DMD: variants seen among roughly 807,000 people sequenced by gnomAD.
The protein encoded by DMD is mutant dystrophin.
In DMD, 63 loss-of-function variants were observed where a neutral mutation model predicts 330.1. That is an observed-to-expected ratio of 0.19 (90% CI 0.16 to 0.24). The LOEUF is 0.24. DMD is among the 10% of genes least tolerant of loss of function. The probability of loss-of-function intolerance (pLI) is 1.00; values close to 1 mark genes in which losing one functional copy is unlikely to be tolerated. For missense variants in DMD, 3,344 were observed against 2,684.1 expected (o/e 1.25, Z -5.43); for synonymous variants, 1,223 against 959.8 (o/e 1.27, Z -5.07).
At chrX:31,138,239 C>T (rs2035511336) in intron 76 of DMD, among the ~76,000 whole-genome samples, 1 of 111,712 alleles carries the variant, frequency 9.0e-6, no homozygotes, top group Admixed American at 9.5e-5. Flanking sequence ...CAAACCACAA[C>T]TTGGTGTCAA....
intron 55 of DMD, among the ~76,000 whole-genome samples, chrX:31,528,336 T>C (rs1209151190): frequency 8.9e-6 from 1 of 112,119 alleles, no homozygotes; most frequent in Non-Finnish European, 1.9e-5. Context: ...CTAGGGAAAA[T>C]ATTCGATTCA....
At chrX:31,760,499 G>A (rs758471538) in intron 51 of DMD, among the ~76,000 whole-genome samples, 29 of 111,631 alleles carry the variant, frequency 2.6e-4, no homozygotes, top group African/African-American at 9.4e-4. Context: ...ACTTGCCATC[G>A]TGTTCCAATT....
At chrX:32,314,970 G>A (rs774597068) in intron 41 of DMD, among the ~76,000 whole-genome samples, 1 of 111,804 alleles carries the variant, frequency 8.9e-6, no homozygotes, top group Non-Finnish European at 1.9e-5. Flanking sequence ...CATTGTGGAA[G>A]ACAGTGTGCA....
chrX:32,238,950 T>C (rs921960511), intron 43 of DMD, among the ~76,000 whole-genome samples: 2 of 112,050 alleles, frequency 1.8e-5, no homozygotes, highest in Non-Finnish European at 3.8e-5. Context: ...TTGATAATTT[T>C]CTCTCCACAG....
intron 44 of DMD, among the ~76,000 whole-genome samples, chrX:32,042,944 A>G (rs1005698724): frequency 8.9e-6 from 1 of 112,401 alleles, no homozygotes; most frequent in Non-Finnish European, 1.9e-5. Context: ...ACTGTTTCAT[A>G]GCACAATAGG....
chrX:31,867,107 T>TATAC (rs1309202623), intron 48 of DMD, among the ~76,000 whole-genome samples: 4 of 108,892 alleles, frequency 3.7e-5, no homozygotes, highest in Admixed American at 9.9e-5. Context: ...TATATATATA[T>TATAC]ATACGCACAC....
chrX:32,803,223 C>A (rs2076709778), intron 7 of DMD, among the ~76,000 whole-genome samples: 1 of 111,283 alleles, frequency 9.0e-6, no homozygotes, highest in Non-Finnish European at 1.9e-5. Flanking sequence ...GGAATTTTTC[C>A]ATTTCTTCTA....
chrX:32,932,771 A>C (rs16990767), intron 2 of DMD, among the ~76,000 whole-genome samples: 1 of 111,610 alleles, frequency 9.0e-6, no homozygotes, highest in African/African-American at 3.3e-5. Flanking sequence ...TCTGACTACC[A>C]GTTTCAGGGT....
rs747935412 is a variant in DMD, at chrX:32,443,896, C to A, written c.3787-2582G>T. ...GCTGATGAGGTAACTCCCAACATAT[C>A]CTGCTTCAGTTATACCAAAATACAT... On this transcript the variant is annotated intron_variant, in intron 27 of 78. Coordinates refer to ENST00000357033, the MANE Select transcript of DMD (RefSeq NM_004006.3). Among the ~76,000 whole-genome samples the A allele has an allele frequency of 4.5e-5, 5 of 111,248 alleles. No individual in the cohort carries two copies. The East Asian group carries it at 1.1e-3, about 25-fold the overall frequency.
intron 7 of DMD, among the ~76,000 whole-genome samples, chrX:32,742,622 A>C (rs560774831): frequency 8.9e-6 from 1 of 111,758 alleles, no homozygotes; most frequent in African/African-American, 3.3e-5. Context: ...GAGGAGAGTA[A>C]ATGGGACAAA....
At chrX:32,978,852 C>T (rs957727048) in intron 2 of DMD, among the ~76,000 whole-genome samples, 2 of 112,097 alleles carry the variant, frequency 1.8e-5, no homozygotes, top group Non-Finnish European at 3.8e-5. Context: ...AAGTGCTTTC[C>T]ACTGATAGTC....
intron 1 of DMD, among the ~76,000 whole-genome samples, chrX:33,224,285 G>A (rs1459646266): frequency 1.8e-5 from 2 of 112,458 alleles, no homozygotes; most frequent in South Asian, 3.6e-4. Flanking sequence ...GCAGATGGAT[G>A]TTTATAGCAG....
At chrX:33,028,042 T>C (rs2094035218) in intron 1 of DMD, among the ~76,000 whole-genome samples, 1 of 111,995 alleles carries the variant, frequency 8.9e-6, no homozygotes, top group African/African-American at 3.2e-5. Context: ...GAATTTTAAG[T>C]AGGGAAATAG....
chrX:32,335,314 G>C (rs1381672021), intron 41 of DMD, among the ~76,000 whole-genome samples: 1 of 107,600 alleles, frequency 9.3e-6, no homozygotes, highest in African/African-American at 3.4e-5. Context: ...CAATTCTCAT[G>C]CCTCAGCCTC....
At chrX:32,807,262 A>G (rs953100516) in intron 7 of DMD, among the ~76,000 whole-genome samples, 1 of 110,170 alleles carries the variant, frequency 9.1e-6, no homozygotes, top group Non-Finnish European at 1.9e-5. Flanking sequence ...AAAAATGATA[A>G]AGGGGATATC....
At chrX:33,279,453 T>G (rs1281963718) in intron 1 of DMD, among the ~76,000 whole-genome samples, 5 of 110,053 alleles carry the variant, frequency 4.5e-5, no homozygotes, top group South Asian at 7.8e-4. Flanking sequence ...CACAGGGTTT[T>G]TTTTTTTTTA....
chrX:33,100,006 C>G, intron 1 of DMD, among the ~76,000 whole-genome samples: 1 of 111,641 alleles, frequency 9.0e-6, no homozygotes, highest in Non-Finnish European at 1.9e-5. Context: ...AGCTCTGACA[C>G]GCAACATAAG....
intron 55 of DMD, among the ~76,000 whole-genome samples, chrX:31,599,831 T>C (rs2148199467): frequency 8.9e-6 from 1 of 112,599 alleles, no homozygotes; most frequent in Non-Finnish European, 1.9e-5. Context: ...AATGATCTTA[T>C]GAGCTCATTA....
chrX:32,922,945 A>G (rs2088585822), intron 2 of DMD, among the ~76,000 whole-genome samples: 1 of 112,544 alleles, frequency 8.9e-6, no homozygotes, highest in African/African-American at 3.2e-5. Flanking sequence ...TCCCTTATTA[A>G]ATTACAAAAG....
Sources: allele counts gnomAD v4.1 joint callset (sites outside exome capture counted in the v4.1 genomes callset), GRCh38; gene constraint gnomAD v4.1.1; transcripts MANE v1.5; gene names NCBI Gene and HGNC (gene_info 2026-07-23, HGNC 2026-07-21).